TSC22D1: variants seen among roughly 807,000 people sequenced by gnomAD.
The protein encoded by TSC22D1 is TSC22 domain family member 1.
Under a neutral mutation model 74.2 loss-of-function variants are expected in TSC22D1, and 9 were observed. That is an observed-to-expected ratio of 0.12 (90% confidence interval 0.07 to 0.21). The LOEUF is 0.21. TSC22D1 is among the 10% of genes least tolerant of loss of function. The pLI, the probability that TSC22D1 is intolerant of heterozygous loss-of-function variation, is 1.00. For synonymous variants in TSC22D1, 586 were observed against 492.5 expected (o/e 1.19, Z -2.51); for missense variants, 1,427 against 1,304.7 (o/e 1.09, Z -1.44).
At chr13:44,494,930 C>G (rs1878897161) in intron 1 of TSC22D1, among the ~76,000 whole-genome samples, 1 of 151,830 alleles carries the variant, frequency 6.6e-6, no homozygotes, top group Admixed American at 6.6e-5. Flanking sequence ...TAAAAAGGAA[C>G]CAAAGAGAAA....
At chr13:44,565,745 C>A (rs1265881238) in intron 1 of TSC22D1, among the ~76,000 whole-genome samples, 1 of 151,998 alleles carries the variant, frequency 6.6e-6, no homozygotes, top group African/African-American at 2.4e-5. Flanking sequence ...TTTTTTAAAT[C>A]GAGATGGGGA....
At chr13:44,452,127 G>C (rs1478118751) in intron 1 of TSC22D1, among the ~76,000 whole-genome samples, 1 of 152,140 alleles carries the variant, frequency 6.6e-6, no homozygotes, top group African/African-American at 2.4e-5. Flanking sequence ...ACGATATAAA[G>C]CTATCAAATA....
chr13:44,505,784 C>G (rs903316715), intron 1 of TSC22D1, among the ~76,000 whole-genome samples: 2 of 152,068 alleles, frequency 1.3e-5, no homozygotes, highest in East Asian at 3.9e-4. Flanking sequence ...TATAAGGCAC[C>G]ATGCTACATT....
chr13:44,494,382 A>ATT lies in TSC22D1; in HGVS notation c.2913-58288_2913-58287insAA, dbSNP rs1342327815. Among the ~76,000 whole-genome samples, 28 of 138,144 alleles carry ATT rather than the reference A, an allele frequency of 2.0e-4. 1 individual carries two copies. Among genetic ancestry groups the ATT allele is most frequent in the African/African-American group, 7.2e-4 (25 of 34,940 alleles). The allele number at this position is 138,144 out of a possible 152,430, so 90.6% of individuals were successfully genotyped here. On this transcript the variant is annotated intron_variant, in intron 1 of 2. Transcript: ENST00000458659. ...CAGACCAAGACTCCGTATCAAAAAA[A>ATT]AAAAAAAAAAAAAAAAAAAAAAAAG...
chr13:44,478,640 A>G (rs1028376158), intron 1 of TSC22D1, among the ~76,000 whole-genome samples: 1 of 152,224 alleles, frequency 6.6e-6, no homozygotes, highest in African/African-American at 2.4e-5. Flanking sequence ...AGCCAATGAT[A>G]GTAAATTTAC....
Position 44,574,143 on chromosome 13 carries a change from A to T in TSC22D1, c.1932T>A (p.His644Gln). 6.2e-7 allele frequency: 1 copy of T among 1,614,234 alleles called. No individual in the cohort carries two copies. Among genetic ancestry groups the T allele is most frequent in the South Asian group, 1.1e-5 (1 of 91,090 alleles). The stretch of plus-strand genomic sequence containing the variant: ...CAGGATTTTGAGTCACTGATTTGAC[A>T]TGGCCTGGGGCCATCTGTGTAGAAA... ...PMVSTQMAPG[H>Q]VKSVTQNPAS... Residue 644 changes from histidine (H) to glutamine (Q), a missense_variant, in exon 1 of 3, where the codon CAT becomes CAA. By Grantham distance (24) the His-to-Gln change is conservative. Coordinates refer to ENST00000458659, the MANE Select transcript of TSC22D1 (RefSeq NM_183422.4).
At chr13:44,539,599 G>A in intron 1 of TSC22D1, 1 of 985,250 alleles carries the variant, frequency 1.0e-6, no homozygotes, top group Non-Finnish European at 1.2e-6. Context: ...TTAAATTTTA[G>A]GTCTCATTTT....
rs1884231582 is a variant in TSC22D1, at chr13:44,576,173, C to T, written c.-99G>A. The T allele has an allele frequency of 2.2e-5, 30 of 1,359,872 alleles. No individual in the cohort carries two copies. The highest frequency in any genetic ancestry group is 1.0e-4 in the Admixed American group (3 of 29,978). 84.2% of individuals were successfully genotyped at this position (1,359,872 alleles called of 1,614,324 possible). On this transcript the variant is annotated 5_prime_UTR_variant, in exon 1 of 3. Coordinates refer to ENST00000458659, the MANE Select transcript of TSC22D1 (RefSeq NM_183422.4). Reference sequence around the variant, plus strand: ...CCGGAGAGGAAAACGGGACCTGACGCTCCGCCTGGCGCGATTCCTCCTTCT... The same window carrying T: ...CCGGAGAGGAAAACGGGACCTGACGTTCCGCCTGGCGCGATTCCTCCTTCT...
chr13:44,453,315 ATGAC>A (rs1330818247), intron 1 of TSC22D1, among the ~76,000 whole-genome samples: 15 of 152,200 alleles, frequency 9.9e-5, no homozygotes, highest in African/African-American at 3.4e-4. Flanking sequence ...AAACATATGC[ATGAC>A]TATTAGTGCA....
intron 1 of TSC22D1, among the ~76,000 whole-genome samples, chr13:44,444,914 T>C (rs1166197748): frequency 1.3e-5 from 2 of 152,184 alleles, no homozygotes; most frequent in Non-Finnish European, 2.9e-5. Context: ...AAATTGAATT[T>C]ATAGTTTAAA....
chr13:44,436,206 T>G, intron 1 of TSC22D1, 111 bp from the exon 2 acceptor site: 1 of 1,220,146 alleles, frequency 8.2e-7, no homozygotes, highest in Non-Finnish European at 1.2e-6. Context: ...TTTTGAATGT[T>G]ATTTAACACT....
At chr13:44,492,470 T>C (rs542028562) in intron 1 of TSC22D1, among the ~76,000 whole-genome samples, 8 of 152,300 alleles carry the variant, frequency 5.3e-5, no homozygotes, top group African/African-American at 1.9e-4. Flanking sequence ...ATACACGACA[T>C]TGACACTCTT....
chr13:44,487,941 C>A (rs1160652475), intron 1 of TSC22D1, among the ~76,000 whole-genome samples: 1 of 151,974 alleles, frequency 6.6e-6, no homozygotes, highest in Non-Finnish European at 1.5e-5. Context: ...GCCTGTAATC[C>A]CAGTTATTTG....
chr13:44,483,649 C>A (rs1390046770), intron 1 of TSC22D1, among the ~76,000 whole-genome samples: 2 of 140,054 alleles, frequency 1.4e-5, no homozygotes, highest in Non-Finnish European at 3.0e-5. Flanking sequence ...GCCTGGGCGA[C>A]AGAGCGAGAC....
At position 44,574,053 on chromosome 13, in the gene TSC22D1, A is replaced by C. The variant is rs1287982436; in HGVS notation, c.2022T>G (p.Ser674=). Residue 674 remains serine (S), a synonymous_variant, in exon 1 of 3, where the codon TCT becomes TCG. Transcript: ENST00000458659. The part of the protein sequence containing the change: ...QTAMSSGQPS[S]AGVGAGTTVI... ...CTGTTGTTCCTGCTCCTACTCCTGC[A>C]GAACTGGGCTGTCCGGAGGACATTG... 6.2e-7 allele frequency: 1 copy of C among 1,614,226 alleles called. No homozygotes were observed. Among genetic ancestry groups the C allele is most frequent in the Non-Finnish European group, 8.5e-7 (1 of 1,180,054 alleles).
chr13:44,476,283 G>C (rs1877905669), intron 1 of TSC22D1, among the ~76,000 whole-genome samples: 2 of 152,016 alleles, frequency 1.3e-5, no homozygotes, highest in African/African-American at 4.8e-5. Flanking sequence ...AGGGAAACTT[G>C]TGTTGTGTCC....
Position 44,436,422 on chromosome 13 carries a change from A to T in TSC22D1, c.2913-327T>A, listed in dbSNP as rs1250975155. 23 of 1,504,006 alleles carry T rather than the reference A, an allele frequency of 1.5e-5. No homozygotes were observed. In the East Asian group the frequency reaches 5.2e-4, roughly 34 times the overall value. 93.2% of individuals were successfully genotyped at this position (1,504,006 alleles called of 1,614,324 possible). ...ATAATCTCTCAGCAATGGACAAAGG[A>T]ATTCGCCTGGCTATCTTTCACCTGT... On this transcript the variant is annotated intron_variant, in intron 1 of 2. Coordinates refer to ENST00000458659, the MANE Select transcript of TSC22D1 (RefSeq NM_183422.4).
At chr13:44,542,572 C>T (rs1258046472) in intron 1 of TSC22D1, among the ~76,000 whole-genome samples, 1 of 152,068 alleles carries the variant, frequency 6.6e-6, no homozygotes, top group Non-Finnish European at 1.5e-5. Flanking sequence ...TCCCCTAAGT[C>T]AGAACGCTTT....
At chr13:44,523,997 C>T (rs1488509815) in intron 1 of TSC22D1, among the ~76,000 whole-genome samples, 1 of 151,920 alleles carries the variant, frequency 6.6e-6, no homozygotes, top group Non-Finnish European at 1.5e-5. Flanking sequence ...GAGAAAAAGC[C>T]TTTGAAAAAA....
Sources: allele counts gnomAD v4.1 joint callset (sites outside exome capture counted in the v4.1 genomes callset), GRCh38; gene constraint gnomAD v4.1.1; transcripts MANE v1.5; gene names NCBI Gene and HGNC (gene_info 2026-07-23, HGNC 2026-07-21).